The following COL28A1 variants were observed in gnomAD, a reference collection of about 807,000 sequenced individuals.
The protein encoded by COL28A1 is collagen alpha-1(XXVIII) chain.
Under a neutral mutation model 150.2 loss-of-function variants are expected in COL28A1, and 161 were observed. The observed-to-expected ratio is 1.07, with a 90% CI of 0.94 to 1.22. The LOEUF (loss-of-function observed/expected upper bound fraction) is 1.22. Among genes scored for constraint, COL28A1 ranks in the 50% most tolerant of loss-of-function variants. COL28A1 has a pLI of 0.00. For missense variants in COL28A1, 1,617 were observed against 1,388.3 expected (o/e 1.16, Z -2.62); for synonymous variants, 552 against 469.7 (o/e 1.18, Z -2.26).
intron 25 of COL28A1, among the ~76,000 whole-genome samples, chr7:7,425,507 C>T (rs1020844887): frequency 3.9e-5 from 6 of 152,152 alleles, no homozygotes; most frequent in African/African-American, 7.2e-5. Context: ...TAAGTCTTCC[C>T]GTCCCATTTT....
chr7:7,382,362 A>G (rs1258302429), intron 27 of COL28A1, among the ~76,000 whole-genome samples: 1 of 152,124 alleles, frequency 6.6e-6, no homozygotes, highest in African/African-American at 2.4e-5. Context: ...AAAAGAGTAT[A>G]TAACAGCATC....
In COL28A1 at chr7:7,507,100, G is replaced by A. The variant is rs1398591226; in HGVS notation, c.972+17C>T. On this transcript the variant is annotated intron_variant, in intron 10 of 34. Coordinates refer to ENST00000399429, the MANE Select transcript of COL28A1 (RefSeq NM_001037763.3). ...GTGATTCTAATTCAAACTTAGATTT[G>A]GTTTTAACCCCCTTACCTGAATTCC... 9.3e-7 allele frequency: 1 copy of A among 1,076,014 alleles called. No homozygotes were observed. 66.7% of individuals were successfully genotyped at this position (1,076,014 alleles called of 1,614,324 possible).
chr7:7,372,857 G>T (rs1781306400), intron 32 of COL28A1, 141 bp downstream of exon 32: 1 of 653,224 alleles, frequency 1.5e-6, no homozygotes, highest in African/African-American at 1.8e-5. Context: ...TTAATCTTCT[G>T]GAGTTTACGT....
At chr7:7,506,180 A>G (rs1780799479) in intron 10 of COL28A1, 113 bp from the exon 11 acceptor site, 3 of 641,466 alleles carry the variant, frequency 4.7e-6, no homozygotes, top group Non-Finnish European at 8.5e-6. Context: ...TGTGTAACTC[A>G]GAGCTAAATT....
At chr7:7,452,935 T>C (rs1360862722) in intron 17 of COL28A1, among the ~76,000 whole-genome samples, 2 of 152,226 alleles carry the variant, frequency 1.3e-5, no homozygotes, top group Non-Finnish European at 2.9e-5. Flanking sequence ...AGAAGCAATA[T>C]TAAGGATAAC....
At chr7:7,368,269 A>G (rs1420322761) in intron 33 of COL28A1, among the ~76,000 whole-genome samples, 1 of 152,036 alleles carries the variant, frequency 6.6e-6, no homozygotes, top group Non-Finnish European at 1.5e-5. Context: ...TTAGTCCTTA[A>G]ATTACCTGTC....
chr7:7,408,363 T>G (rs1210906581), intron 27 of COL28A1, among the ~76,000 whole-genome samples: 2 of 152,102 alleles, frequency 1.3e-5, no homozygotes, highest in Non-Finnish European at 2.9e-5. Context: ...TTACTTCATT[T>G]CCCCTCACTT....
At chr7:7,431,670 T>A (rs1223111612) in intron 25 of COL28A1, 1 of 470,210 alleles carries the variant, frequency 2.1e-6, no homozygotes, top group East Asian at 7.0e-5. Context: ...CACCAGGGTG[T>A]TTCTAGGAAG....
chr7:7,362,612 G>GGT (rs1780727495), intron 33 of COL28A1, among the ~76,000 whole-genome samples: 4 of 56,970 alleles, frequency 7.0e-5, no homozygotes, highest in African/African-American at 1.1e-4. Flanking sequence ...TTAGAGCAAA[G>GGT]ATTTTTCCAT....
At chr7:7,471,973 C>A (rs188129551) in intron 15 of COL28A1, among the ~76,000 whole-genome samples, 65 of 152,178 alleles carry the variant, frequency 4.3e-4, no homozygotes, top group African/African-American at 1.5e-3. Context: ...ATCCAGCATC[C>A]CTTTATGATT....
At chr7:7,429,923 G>A (rs765465832) in intron 25 of COL28A1, among the ~76,000 whole-genome samples, 2 of 152,152 alleles carry the variant, frequency 1.3e-5, no homozygotes, top group Non-Finnish European at 2.9e-5. Flanking sequence ...ACATCTTCTG[G>A]CAGCATATTA....
chr7:7,453,424 T>C lies in COL28A1; in HGVS notation c.1440+16A>G, dbSNP rs1786874316. ...ACTATAGATATATTAAACTCCGCTC[T>C]CATTTACAAAGTTACCTTGGAACCA... On this transcript the variant is annotated intron_variant, in intron 17 of 34. Transcript: ENST00000399429. The C allele has an allele frequency of 6.6e-6, 7 of 1,062,814 alleles. No homozygotes were observed. Among genetic ancestry groups the C allele is most frequent in the Non-Finnish European group, 1.0e-5 (7 of 676,144 alleles). The allele number at this position is 1,062,814 out of a possible 1,614,324, so 65.8% of individuals were successfully genotyped here. A position where few individuals can be genotyped will look rare whatever the true frequency, so the allele number is the denominator to read the frequency against.
intron 33 of COL28A1, among the ~76,000 whole-genome samples, chr7:7,366,733 G>A (rs1425858256): frequency 6.6e-6 from 1 of 152,176 alleles, no homozygotes; most frequent in Non-Finnish European, 1.5e-5. Flanking sequence ...TGACAGAAGG[G>A]ACAACAGTGA....
intron 33 of COL28A1, among the ~76,000 whole-genome samples, chr7:7,363,029 G>A (rs1227409182): frequency 6.6e-6 from 1 of 152,014 alleles, no homozygotes; most frequent in African/African-American, 2.4e-5. Flanking sequence ...CTTTCCAAAA[G>A]TTATTGGTAA....
chr7:7,427,358 T>C (rs79632774), intron 25 of COL28A1, among the ~76,000 whole-genome samples: 12,822 of 152,268 alleles, frequency 0.084, 607 homozygotes, highest in Middle Eastern at 0.2. Flanking sequence ...AGTCATATTA[T>C]AGGGAGGTGG....
intron 16 of COL28A1, among the ~76,000 whole-genome samples, chr7:7,455,646 G>A (rs887755302): frequency 6.6e-6 from 1 of 152,072 alleles, no homozygotes; most frequent in Non-Finnish European, 1.5e-5. Flanking sequence ...TGGTTGGTAG[G>A]GGGATACCAC....
intron 6 of COL28A1, among the ~76,000 whole-genome samples, chr7:7,519,328 C>T (rs1192377346): frequency 6.6e-6 from 1 of 152,214 alleles, no homozygotes; most frequent in African/African-American, 2.4e-5. Flanking sequence ...TACCTCCCAC[C>T]AGTCTCTCCC....
intron 15 of COL28A1, among the ~76,000 whole-genome samples, chr7:7,472,206 C>G (rs1367416732): frequency 6.6e-6 from 1 of 152,028 alleles, no homozygotes; most frequent in Non-Finnish European, 1.5e-5. Flanking sequence ...AAAGAACATC[C>G]AAATCAATAA....
chr7:7,373,515 T>C lies in COL28A1; in HGVS notation c.2391A>G (p.Leu797=). Residue 797 remains leucine (L), a synonymous_variant, in exon 32 of 35, where the codon CTA becomes CTG. Transcript: ENST00000399429. The surrounding 1 kb of genome is among the most constrained non-coding windows in gnomAD (Gnocchi z 4.1). ...AGCTGTCGATCACAAACACCAGCTC[T>C]AGTGGAGTCTCTTTGCATTTGGGCC... is the stretch of plus-strand genomic sequence containing the variant. The part of the protein sequence containing the change: ...GCGPKCKETP[L]ELVFVIDSSE... 6.2e-7 allele frequency: 1 copy of C among 1,612,878 alleles called. No individual in the cohort carries two copies. The highest frequency in any genetic ancestry group is 1.1e-5 in the South Asian group (1 of 91,048).
Sources: gnomAD v4.1 joint callset for allele counts (sites outside exome capture counted in the v4.1 genomes callset) on GRCh38, gnomAD v4.1.1 for gene constraint, Gnocchi (gnomAD v3.1) non-coding constraint, MANE v1.5 for transcripts, NCBI Gene and HGNC (gene_info 2026-07-23, HGNC 2026-07-21) for gene names.